Variants in CCDC171 observed in about 807,000 individuals in gnomAD.
The protein encoded by CCDC171 is coiled-coil domain containing 171, also known as coiled-coil domain-containing protein 171.
CCDC171 carries 177 observed loss-of-function variants against 168.2 expected under a neutral mutation model. The ratio of observed to expected loss-of-function variants is 1.05; its 90% confidence interval spans 0.93 to 1.19. The LOEUF is 1.19. Ranked by LOEUF, CCDC171 falls within the 50% of genes most tolerant of loss-of-function variation. The probability of loss-of-function intolerance (pLI) is 0.00; values close to 1 mark genes in which losing one functional copy is unlikely to be tolerated. For missense variants in CCDC171, 1,991 were observed against 1,539.0 expected, an observed-to-expected ratio of 1.29 and a Z score of -4.91; for synonymous variants, 687 against 540.8, an observed-to-expected ratio of 1.27 and a Z score of -3.75.
At chr9:16,071,747 C>A in the CCDC171 span, among the ~76,000 whole-genome samples, 1 of 152,154 alleles carries the variant, frequency 6.6e-6, no homozygotes, top group Admixed American at 6.5e-5. Context: ...AGTGAATCAT[C>A]CACCAGGTCT....
chr9:15,810,512 C>T (rs1438705897), intron 21 of CCDC171, among the ~76,000 whole-genome samples: 6 of 151,962 alleles, frequency 3.9e-5, no homozygotes, highest in South Asian at 4.2e-4. Context: ...GGGTGGGGCT[C>T]GGGCATGGCG....
chr9:16,079,565 C>T, the CCDC171 span, among the ~76,000 whole-genome samples: 1 of 152,324 alleles, frequency 6.6e-6, no homozygotes, highest in Admixed American at 6.5e-5. Flanking sequence ...ACAAAGAACA[C>T]CAAAGATTGT....
chr9:15,601,366 A>G (rs919064790), intron 6 of CCDC171, among the ~76,000 whole-genome samples: 4 of 152,176 alleles, frequency 2.6e-5, no homozygotes, highest in Non-Finnish European at 4.4e-5. Context: ...GAAAATACCA[A>G]TGAAACCACA....
At chr9:15,638,769 A>G in intron 7 of CCDC171, among the ~76,000 whole-genome samples, 1 of 151,974 alleles carries the variant, frequency 6.6e-6, no homozygotes, top group East Asian at 1.9e-4. Flanking sequence ...GATTAAAAAA[A>G]AACAAACAAA....
rs574026757 is a variant in CCDC171, at chr9:15,580,304, G to C, written c.352+1281G>C. Among the ~76,000 whole-genome samples, 13 of 152,180 alleles carry C rather than the reference G, an allele frequency of 8.5e-5. No homozygotes were observed. The South Asian group carries it at 2.7e-3, about 32-fold the overall frequency. ...AAAAACTATTCTAGACATTGGCTTAGGCAAAGAGTTCATGACCAAGATCCC... is the reference window on the plus strand; with the variant it reads ...AAAAACTATTCTAGACATTGGCTTACGCAAAGAGTTCATGACCAAGATCCC... On this transcript the variant is annotated intron_variant, in intron 4 of 25. Coordinates refer to ENST00000380701, the MANE Select transcript of CCDC171 (RefSeq NM_173550.4).
At chr9:15,647,846 G>C (rs1259783072) in intron 7 of CCDC171, among the ~76,000 whole-genome samples, 1 of 152,110 alleles carries the variant, frequency 6.6e-6, no homozygotes, top group Non-Finnish European at 1.5e-5. Context: ...CATTCCTTTT[G>C]AAACTATTCC....
At chr9:16,013,968 G>A (rs188407875) in intron 3 of CCDC171, among the ~76,000 whole-genome samples, 3 of 152,174 alleles carry the variant, frequency 2.0e-5, no homozygotes, top group African/African-American at 7.2e-5. Flanking sequence ...ATTACTGAAG[G>A]CTGGGGTGGC....
chr9:15,881,719 C>G (rs930164480), intron 24 of CCDC171, among the ~76,000 whole-genome samples: 3 of 152,154 alleles, frequency 2.0e-5, no homozygotes, highest in African/African-American at 7.2e-5. Flanking sequence ...TCAGAACATG[C>G]AATATTTGTC....
At chr9:15,763,378 C>T (rs564547397) in intron 18 of CCDC171, among the ~76,000 whole-genome samples, 5 of 152,252 alleles carry the variant, frequency 3.3e-5, no homozygotes, top group Admixed American at 6.5e-5. Context: ...AGTTCTTTTC[C>T]TCTTCTTGAA....
chr9:15,586,806 A>T (rs1005190961), intron 4 of CCDC171, among the ~76,000 whole-genome samples: 4 of 151,952 alleles, frequency 2.6e-5, no homozygotes, highest in Non-Finnish European at 5.9e-5. Flanking sequence ...TTAATTAATT[A>T]ATTATTATTA....
chr9:15,555,325 G>T (rs757104116), intron 1 of CCDC171, among the ~76,000 whole-genome samples: 4 of 152,146 alleles, frequency 2.6e-5, no homozygotes, highest in Non-Finnish European at 5.9e-5. Flanking sequence ...TTTGAACCTT[G>T]CCTTTCTTTA....
Position 15,971,944 on chromosome 9 carries a change from T to C in CCDC171, c.*108T>C, listed in dbSNP as rs1436299369. 10 of 951,202 alleles carry C rather than the reference T, an allele frequency of 1.1e-5. No homozygotes were observed. The African/African-American group carries it at 1.2e-4, about 11-fold the overall frequency. 58.9% of individuals were successfully genotyped at this position (951,202 alleles called of 1,614,324 possible). ...TTGTTTCAGCAGAAGTGGCAGTGGA[T>C]TTAAAAAATTTGTGCGCTATCTTGA... is the stretch of plus-strand genomic sequence containing the variant. On this transcript the variant is annotated 3_prime_UTR_variant, in exon 26 of 26. Transcript: ENST00000380701.
intron 7 of CCDC171, among the ~76,000 whole-genome samples, chr9:15,631,785 A>G (rs1360236450): frequency 6.6e-6 from 1 of 152,224 alleles, no homozygotes; most frequent in Non-Finnish European, 1.5e-5. Flanking sequence ...AATACTGGCA[A>G]ACTGAATCCA....
chr9:15,708,173 G>T (rs917104314), intron 11 of CCDC171, among the ~76,000 whole-genome samples: 6 of 152,192 alleles, frequency 3.9e-5, no homozygotes, highest in Non-Finnish European at 8.8e-5. Context: ...GCATTTCTTC[G>T]TGCCTATGTT....
At position 15,994,412 on chromosome 9, in the gene CCDC171, A is replaced by T. The variant is rs368811046; in HGVS notation, n.369-26177A>T. Among the ~76,000 whole-genome samples, 12 of 152,274 alleles carry T rather than the reference A, an allele frequency of 7.9e-5. No homozygotes were observed. The East Asian group carries it at 1.5e-3, about 20-fold the overall frequency. On this transcript the variant is annotated intron_variant and non_coding_transcript_variant, in intron 3 of 9. Coordinates refer to the CCDC171 transcript ENST00000486641. ...GAGAACACTTGGACACAGGAAGGGG[A>T]ACATCACACACCAGGCCTGTCATGG...
intron 18 of CCDC171, among the ~76,000 whole-genome samples, chr9:15,768,830 G>A (rs2056866766): frequency 1.3e-5 from 2 of 152,080 alleles, no homozygotes; most frequent in African/African-American, 4.8e-5. Context: ...ATTGGTTAAT[G>A]CATGTAAGCA....
At chr9:16,105,706 A>G in the CCDC171 span, among the ~76,000 whole-genome samples, 1 of 152,132 alleles carries the variant, frequency 6.6e-6, no homozygotes, top group Admixed American at 6.5e-5. Flanking sequence ...GGAAAAAAAC[A>G]CCACTGTTTG....
intron 1 of CCDC171, among the ~76,000 whole-genome samples, chr9:16,052,656 G>T (rs1210172654): frequency 6.6e-6 from 1 of 152,076 alleles, no homozygotes; most frequent in Non-Finnish European, 1.5e-5. Context: ...CCCAGCCAGG[G>T]CCCGGGGCCT....
rs184581279 is a variant in CCDC171 at position 15,779,899 on chromosome 9, G to T, written c.3081+749G>T. 1.7e-4 allele frequency among the ~76,000 whole-genome samples: 26 copies of T among 152,306 alleles called. No individual in the cohort carries two copies. The South Asian group carries it at 5.2e-3, about 30-fold the overall frequency. On this transcript the variant is annotated intron_variant, in intron 20 of 25. Coordinates refer to ENST00000380701, the MANE Select transcript of CCDC171 (RefSeq NM_173550.4). ...CAGACATCCACATATTCTGTTTGCA[G>T]TTGGGATAGTTATTAACATTGCTGT...
Sources: allele counts gnomAD v4.1 joint callset (sites outside exome capture counted in the v4.1 genomes callset), GRCh38; gene constraint gnomAD v4.1.1; transcripts MANE v1.5; gene names NCBI Gene and HGNC (gene_info 2026-07-23, HGNC 2026-07-21).